The following SENP5 variants were observed in gnomAD, a reference collection of about 807,000 sequenced individuals.
SENP5 encodes the protein SUMO specific peptidase 5.
Under a neutral mutation model 74.2 loss-of-function variants are expected in SENP5, and 21 were observed. The ratio of observed to expected loss-of-function variants is 0.28; its 90% CI spans 0.20 to 0.41. The LOEUF is 0.41. Ranked by LOEUF, SENP5 falls within the 10% of genes least tolerant of loss-of-function variation. SENP5 has a pLI of 1.00. For missense variants in SENP5, 717 were observed against 889.1 expected, an observed-to-expected ratio of 0.81 and a Z score of 2.46; for synonymous variants, 311 against 312.7, an observed-to-expected ratio of 0.99 and a Z score of 0.06.
chr3:196,893,185 T>TTG (rs1714286998), intron 2 of SENP5, among the ~76,000 whole-genome samples: 1 of 152,200 alleles, frequency 6.6e-6, no homozygotes, highest in African/African-American at 2.4e-5. Context: ...TTCTCCACAT[T>TTG]CAAGTCCTTT....
chr3:196,888,783 A>G (rs1394751500), intron 2 of SENP5, among the ~76,000 whole-genome samples: 1 of 151,976 alleles, frequency 6.6e-6, no homozygotes, highest in Non-Finnish European at 1.5e-5. Flanking sequence ...TGGTAGTTGA[A>G]ACAGTTCTGA....
chr3:196,923,813 G>A (rs1715714369), intron 7 of SENP5, among the ~76,000 whole-genome samples: 2 of 152,188 alleles, frequency 1.3e-5, no homozygotes, highest in South Asian at 2.1e-4. Flanking sequence ...AATGTGGTTA[G>A]AAATTGTTTT....
chr3:196,869,463 C>T (rs1483187338), intron 1 of SENP5, among the ~76,000 whole-genome samples: 1 of 151,488 alleles, frequency 6.6e-6, no homozygotes, highest in East Asian at 2.0e-4. Flanking sequence ...TTCCGCCTCT[C>T]AAAAGTGCTG....
intron 8 of SENP5, among the ~76,000 whole-genome samples, chr3:196,928,971 C>T (rs905581546): frequency 1.8e-4 from 27 of 152,216 alleles, no homozygotes; most frequent in Admixed American, 1.5e-3. Context: ...GCGTGGATTG[C>T]GTGAGTCTAG....
In SENP5 at chr3:196,886,513, G is replaced by A. The variant is rs1190538764; in HGVS notation, c.1332G>A (p.Glu444=). The change falls in exon 2 of 10, where the codon GAG becomes GAA. Residue 444 remains glutamate, a synonymous_variant. Coordinates refer to ENST00000323460, the MANE Select transcript of SENP5 (RefSeq NM_152699.5). ...ATGAGAACTCATACCAGATGGAGGA[G>A]GATGGATCTCTCAAGCAGAGCATTC... ...VQNENSYQME[E]DGSLKQSILS... The A allele has an allele frequency of 1.9e-6, 3 of 1,613,400 alleles. No homozygotes were observed. Among genetic ancestry groups the A allele is most frequent in the African/African-American group, 1.3e-5 (1 of 74,914 alleles).
At chr3:196,902,354 G>C (rs1352581942) in intron 5 of SENP5, among the ~76,000 whole-genome samples, 2 of 152,084 alleles carry the variant, frequency 1.3e-5, no homozygotes, top group African/African-American at 4.8e-5. Context: ...CTTGAGCTCT[G>C]GGCTTAGCTA....
chr3:196,886,085 C>T lies in SENP5; in HGVS notation c.904C>T (p.Arg302Trp), dbSNP rs200610862. 1.6e-5 allele frequency: 26 copies of T among 1,614,066 alleles called. No homozygotes were observed. The highest frequency in any genetic ancestry group is 9.3e-5 in the African/African-American group (7 of 74,932). ...CCCAGAACCTAAAGACCCTTCTTGT[C>T]GGCATCAGCCGTACTTTCCAGATAT... is the stretch of plus-strand genomic sequence containing the variant. ...PSPEPKDPSCRHQPYFPDMDS... is the reference protein window; with the variant it reads ...PSPEPKDPSCWHQPYFPDMDS... The change falls in exon 2 of 10, where the codon CGG becomes TGG. Residue 302 changes from arginine (R) to tryptophan (W), a missense_variant. Coordinates refer to ENST00000323460, the MANE Select transcript of SENP5 (RefSeq NM_152699.5).
intron 6 of SENP5, among the ~76,000 whole-genome samples, chr3:196,907,051 T>A (rs1714928843): frequency 2.6e-5 from 4 of 152,202 alleles, no homozygotes; most frequent in Admixed American, 2.6e-4. Context: ...AGTATGTGAC[T>A]TGTATGACTG....
intron 2 of SENP5, among the ~76,000 whole-genome samples, chr3:196,888,013 C>T (rs1714048593): frequency 1.3e-5 from 2 of 152,130 alleles, no homozygotes; most frequent in African/African-American, 2.4e-5. Flanking sequence ...GGCAATCTGC[C>T]CGCCTCGGCC....
rs1355728415 is a variant in SENP5, at chr3:196,933,001, T to C, written c.*2078T>C. 1 of 141,466 alleles carries C rather than the reference T, an allele frequency of 7.1e-6. No individual in the cohort carries two copies. Among genetic ancestry groups the C allele is most frequent in the Non-Finnish European group, 1.5e-5 (1 of 65,216 alleles). The allele number at this position is 141,466 out of a possible 1,614,324, so 8.8% of individuals were successfully genotyped here. A position where few individuals can be genotyped will look rare whatever the true frequency, so the allele number is the denominator to read the frequency against. ...GCTGCCCAGTGTGGCTTAGACTAAATGTTGAGTTTGGGTTTTTTGTTTTTT... is the reference window on the plus strand; with the variant it reads ...GCTGCCCAGTGTGGCTTAGACTAAACGTTGAGTTTGGGTTTTTTGTTTTTT... On this transcript the variant is annotated 3_prime_UTR_variant, in exon 10 of 10. Coordinates refer to ENST00000323460, the MANE Select transcript of SENP5 (RefSeq NM_152699.5).
At chr3:196,915,418 A>C (rs1436490668) in intron 6 of SENP5, among the ~76,000 whole-genome samples, 2 of 152,174 alleles carry the variant, frequency 1.3e-5, no homozygotes, top group Non-Finnish European at 2.9e-5. Flanking sequence ...TGAAGCCTCC[A>C]ATTCTAGGCC....
At chr3:196,879,878 A>G (rs1310205121) in intron 1 of SENP5, among the ~76,000 whole-genome samples, 1 of 152,170 alleles carries the variant, frequency 6.6e-6, no homozygotes, top group Non-Finnish European at 1.5e-5. Context: ...AAATTTACCG[A>G]AAAAAATTGC....
chr3:196,877,831 G>T (rs1210786274), intron 1 of SENP5, among the ~76,000 whole-genome samples: 1 of 152,068 alleles, frequency 6.6e-6, no homozygotes, highest in African/African-American at 2.4e-5. Context: ...TTGATAGTTT[G>T]GTGTATATGC....
At chr3:196,873,497 G>T (rs980031278) in intron 1 of SENP5, among the ~76,000 whole-genome samples, 5 of 151,656 alleles carry the variant, frequency 3.3e-5, no homozygotes, top group Non-Finnish European at 7.4e-5. Flanking sequence ...AGCCCTTCAG[G>T]TTTATGTATT....
intron 6 of SENP5, among the ~76,000 whole-genome samples, chr3:196,921,747 T>A (rs1233188903): frequency 6.6e-6 from 1 of 152,208 alleles, no homozygotes; most frequent in Non-Finnish European, 1.5e-5. Context: ...GTGATTTTGC[T>A]CCAAGGTCAT....
intron 6 of SENP5, chr3:196,912,883 G>C (rs1198772535): frequency 6.6e-6 from 1 of 151,948 alleles, no homozygotes; most frequent in African/African-American, 2.4e-5. Context: ...ATAATAATTT[G>C]TTTGAAAATT....
intron 6 of SENP5, chr3:196,914,586 A>AAAAATATATATATAT: frequency 1.2e-4 from 4 of 33,498 alleles, no homozygotes; most frequent in South Asian, 1.7e-3. Context: ...AAAAAAAAAA[A>AAAAATATATATATAT]ATATATATAT....
chr3:196,925,553 GAA>G (rs1715781344), intron 7 of SENP5, among the ~76,000 whole-genome samples: 2 of 152,234 alleles, frequency 1.3e-5, no homozygotes, highest in African/African-American at 4.8e-5. Flanking sequence ...GAGGTGTTGG[GAA>G]AACTGTTTCA....
chr3:196,923,498 C>T lies in SENP5; in HGVS notation c.1969C>T (p.Arg657Ter). 1 of 1,610,606 alleles carries T rather than the reference C, an allele frequency of 6.2e-7. No homozygotes were observed. Among genetic ancestry groups the T allele is most frequent in the South Asian group, 1.1e-5 (1 of 90,884 alleles). The part of the protein sequence containing the change: ...WSLITVTLSN[R>*]IISFYDSQGI... Reference sequence around the variant, plus strand: ...TCTCATTACTGTGACACTCTCTAATCGAATTATTTCATTTTATGATTCCCA... The same window carrying T: ...TCTCATTACTGTGACACTCTCTAATTGAATTATTTCATTTTATGATTCCCA... The change falls in exon 7 of 10, where the codon CGA (arginine) becomes TGA (stop). Residue 657 changes from arginine to a stop codon, truncating the protein, a stop_gained. Transcript: ENST00000323460. LOFTEE classifies it high-confidence loss of function.
Sources: allele counts gnomAD v4.1 joint callset (sites outside exome capture counted in the v4.1 genomes callset), GRCh38; gene constraint gnomAD v4.1.1; transcripts MANE v1.5; gene names NCBI Gene and HGNC (gene_info 2026-07-23, HGNC 2026-07-21).